The following ZNF777 variants were observed in gnomAD, a reference collection of about 807,000 sequenced individuals.
The protein encoded by ZNF777 is zinc finger protein 777.
In ZNF777, 7 loss-of-function variants were observed where a neutral mutation model predicts 72.1. The ratio of observed to expected loss-of-function variants is 0.10; its 90% confidence interval spans 0.06 to 0.18. ZNF777 has a LOEUF of 0.18. Among genes scored for constraint, ZNF777 ranks in the 10% least tolerant of loss-of-function variants. The pLI is 1.00. For missense variants in ZNF777, 828 were observed against 1,128.6 expected, an observed-to-expected ratio of 0.73 and a Z score of 3.82; for synonymous variants, 545 against 483.5, an observed-to-expected ratio of 1.13 and a Z score of -1.67.
chr7:149,432,005 C>T lies in ZNF777; in HGVS notation c.2267G>A (p.Gly756Asp), dbSNP rs868141852. ...GTGGTGCTTGCGGATGAAGCTCTTG[C>T]CGCACTCGGGGCAGGCGTGCGGCCG... ...RERPHACPEC[G>D]KSFIRKHHLL... Residue 756 changes from glycine to aspartate, a missense_variant, in exon 6 of 6, where the codon GGC (glycine) becomes GAC (aspartate). Gly to Asp is a moderately conservative substitution (Grantham distance 94). Around this residue, in one of 12 missense-constraint regions of ZNF777, gnomAD observed 49 missense variants for 135.8 expected, o/e 0.36. Transcript: ENST00000247930. 1 of 1,610,196 alleles carries T rather than the reference C, an allele frequency of 6.2e-7. No individual in the cohort carries two copies. Among genetic ancestry groups the T allele is most frequent in the Non-Finnish European group, 8.5e-7 (1 of 1,179,564 alleles).
intron 4 of ZNF777, among the ~76,000 whole-genome samples, chr7:149,439,352 T>G (rs2116577067): frequency 6.6e-6 from 1 of 152,310 alleles, no homozygotes; most frequent in East Asian, 1.9e-4. Context: ...TAAAATGATT[T>G]TTAAAACTAT....
rs756897653 is a variant in ZNF777, at chr7:149,454,199, C to G, written c.885G>C (p.Ser295=). 1 of 1,614,198 alleles carries G rather than the reference C, an allele frequency of 6.2e-7. No individual in the cohort carries two copies. ...VTFDDVAVHF[S]EQEWGNLSEW... ...CAGACAGGTTTCCCCACTCCTGCTC[C>G]GAGAAGTGCACAGCAACATCATCAA... The change falls in exon 3 of 6, where the codon TCG becomes TCC. Residue 295 remains serine, a synonymous_variant. Coordinates refer to ENST00000247930, the MANE Select transcript of ZNF777 (RefSeq NM_015694.3).
chr7:149,437,943 G>A lies in ZNF777; in HGVS notation c.1088-1117C>T, dbSNP rs574866697. 7.3e-5 allele frequency among the ~76,000 whole-genome samples: 11 copies of A among 150,468 alleles called. No individual in the cohort carries two copies. The South Asian group carries it at 2.3e-3, about 32-fold the overall frequency. On this transcript the variant is annotated intron_variant, in intron 4 of 5. Coordinates refer to ENST00000247930, the MANE Select transcript of ZNF777 (RefSeq NM_015694.3). ...TGCCCAGGCTGGAGTGCAATGGTGT[G>A]GTCTCGGTTCACTGCAAGCTCCGCC...
At chr7:149,443,583 T>A (rs987683740) in intron 4 of ZNF777, among the ~76,000 whole-genome samples, 5 of 152,198 alleles carry the variant, frequency 3.3e-5, no homozygotes, top group African/African-American at 7.2e-5. Flanking sequence ...AAATTTTTTT[T>A]AAAGTTATAC....
intron 4 of ZNF777, among the ~76,000 whole-genome samples, chr7:149,442,298 C>CACACAG: frequency 6.7e-6 from 1 of 149,346 alleles, no homozygotes; most frequent in East Asian, 2.0e-4. Flanking sequence ...CACACACACA[C>CACACAG]ACACAGACAC....
intron 4 of ZNF777, 46 bp downstream of exon 4, chr7:149,450,953 T>C: frequency 2.6e-6 from 4 of 1,546,698 alleles, no homozygotes; most frequent in Non-Finnish European, 3.6e-6. Context: ...TCCTGAGTAC[T>C]GAAAGATCTA....
chr7:149,440,449 T>C (rs1365686627), intron 4 of ZNF777, among the ~76,000 whole-genome samples: 1 of 152,078 alleles, frequency 6.6e-6, no homozygotes, highest in African/African-American at 2.4e-5. Flanking sequence ...AGCCTCAACC[T>C]CCTGGCTCAA....
In ZNF777 at chr7:149,432,766, G is replaced by C. The variant is rs1799342084; in HGVS notation, c.1506C>G (p.Ser502Arg). The change falls in exon 6 of 6, where the codon AGC becomes AGG. Residue 502 changes from serine to arginine, a missense_variant. Physicochemically the swap from Ser to Arg is moderately radical, Grantham distance 110. Coordinates refer to ENST00000247930, the MANE Select transcript of ZNF777 (RefSeq NM_015694.3). ...PGEMSPEGEE[S>R]PPPLQLGNPA... ...GGTTTCCTAGCTGCAGGGGCGGGGG[G>C]CTCTCCTCGCCCTCGGGGGACATCT... The C allele has an allele frequency of 1.7e-5, 27 of 1,610,530 alleles. No individual in the cohort carries two copies. The highest frequency in any genetic ancestry group is 2.0e-5 in the Non-Finnish European group (24 of 1,177,636).
At chr7:149,448,593 A>ATATATATAAC (rs1799658556) in intron 4 of ZNF777, among the ~76,000 whole-genome samples, 1 of 104,808 alleles carries the variant, frequency 9.5e-6, no homozygotes. Context: ...ATATATATAT[A>ATATATATAAC]TATATATATA....
chr7:149,431,403 A>C lies in ZNF777; in HGVS notation c.*373T>G. On this transcript the variant is annotated 3_prime_UTR_variant, in exon 6 of 6. Coordinates refer to ENST00000247930, the MANE Select transcript of ZNF777 (RefSeq NM_015694.3). ...CTCTATTATTATCAAATAGAACCAC[A>C]GTATCCAAAAGGTAATTATAAAGTT... The C allele has an allele frequency of 2.5e-6, 1 of 401,260 alleles. No individual in the cohort carries two copies. Among genetic ancestry groups the C allele is most frequent in the South Asian group, 1.8e-5 (1 of 55,312 alleles). 24.9% of individuals were successfully genotyped at this position (401,260 alleles called of 1,614,324 possible).
chr7:149,436,830 A>G lies in ZNF777; in HGVS notation c.1088-4T>C, dbSNP rs777906119. ...TTAATCACGATCCCATCGTGCGCTG[A>G]GAGAGGGTGGGCAGGGGTGAGGAGG... On this transcript the variant is annotated splice_polypyrimidine_tract_variant and splice_region_variant and intron_variant, in intron 4 of 5. Transcript: ENST00000247930. The surrounding 1 kb of genome is among the most constrained non-coding windows in gnomAD (Gnocchi z 5.0). 5.0e-6 allele frequency: 8 copies of G among 1,603,424 alleles called. No individual in the cohort carries two copies. The highest frequency in any genetic ancestry group is 1.7e-5 in the Admixed American group (1 of 59,792).
intron 3 of ZNF777, 73 bp from the exon 4 acceptor site, chr7:149,451,185 G>C (rs1192034138): frequency 7.5e-7 from 1 of 1,333,972 alleles, no homozygotes; most frequent in Non-Finnish European, 1.1e-6. Flanking sequence ...TATCATCTGT[G>C]GGCACGTGAT....
intron 1 of ZNF777, chr7:149,459,542 C>A (rs928512944): frequency 2.7e-6 from 2 of 744,392 alleles, no homozygotes; most frequent in African/African-American, 3.8e-5. Context: ...GCTGCCAGGG[C>A]GGCCCAGCCC....
At chr7:149,449,506 G>T (rs549521012) in intron 4 of ZNF777, among the ~76,000 whole-genome samples, 1 of 152,304 alleles carries the variant, frequency 6.6e-6, no homozygotes, top group South Asian at 2.1e-4. Flanking sequence ...AATTCTATGA[G>T]AGCAGCACCT....
intron 4 of ZNF777, among the ~76,000 whole-genome samples, chr7:149,448,431 C>T (rs1212472588): frequency 6.9e-6 from 1 of 145,410 alleles, no homozygotes; most frequent in Non-Finnish European, 1.5e-5. Flanking sequence ...GATCACGCCA[C>T]TGCACTCCAG....
At chr7:149,456,360 T>C (rs1488182906) in intron 1 of ZNF777, among the ~76,000 whole-genome samples, 1 of 152,164 alleles carries the variant, frequency 6.6e-6, no homozygotes, top group Non-Finnish European at 1.5e-5. Context: ...GTTAGAGCTT[T>C]TGGCCCTGTC....
At chr7:149,448,168 A>C (rs902439499) in intron 4 of ZNF777, among the ~76,000 whole-genome samples, 1 of 152,054 alleles carries the variant, frequency 6.6e-6, no homozygotes, top group Non-Finnish European at 1.5e-5. Flanking sequence ...AAATATTTAA[A>C]ATATACTTAA....
At chr7:149,457,709 C>CG (rs1799860674) in intron 1 of ZNF777, among the ~76,000 whole-genome samples, 1 of 152,176 alleles carries the variant, frequency 6.6e-6, no homozygotes, top group African/African-American at 2.4e-5. Context: ...TAGCCTCTGC[C>CG]GCGAACCAGA....
At chr7:149,453,552 G>T (rs1799765957) in intron 3 of ZNF777, among the ~76,000 whole-genome samples, 1 of 152,084 alleles carries the variant, frequency 6.6e-6, no homozygotes, top group South Asian at 2.1e-4. Context: ...ACAGACTTCG[G>T]GGTAAGGCAG....
Sources: allele counts gnomAD v4.1 joint callset (sites outside exome capture counted in the v4.1 genomes callset), GRCh38; gene constraint gnomAD v4.1.1; regional missense constraint gnomAD v4.1.1; non-coding constraint Gnocchi (gnomAD v3.1); transcripts MANE v1.5; gene names NCBI Gene and HGNC (gene_info 2026-07-23, HGNC 2026-07-21).